ADAM22: variants seen among roughly 807,000 people sequenced by gnomAD.
ADAM22 encodes disintegrin and metalloproteinase domain-containing protein 22.
Under a neutral mutation model 144.6 loss-of-function variants are expected in ADAM22, and 65 were observed. That is an observed-to-expected ratio of 0.45 (90% confidence interval 0.37 to 0.55). The LOEUF (loss-of-function observed/expected upper bound fraction) is 0.55, where lower values mean the gene tolerates loss of function less well. Ranked by LOEUF, ADAM22 falls within the 20% of genes least tolerant of loss-of-function variation. The probability of loss-of-function intolerance (pLI) is 0.00; values close to 1 mark genes in which losing one functional copy is unlikely to be tolerated. For missense variants in ADAM22, 974 were observed against 1,184.9 expected, an observed-to-expected ratio of 0.82 and a Z score of 2.61; for synonymous variants, 391 against 412.6, an observed-to-expected ratio of 0.95 and a Z score of 0.63.
intron 2 of ADAM22, among the ~76,000 whole-genome samples, chr7:87,974,303 CAAAAA>C (rs11351127): frequency 8.9e-6 from 1 of 112,354 alleles, no homozygotes; most frequent in Admixed American, 9.1e-5. Context: ...GACTCTGTCT[CAAAAA>C]AAAAAAAAAA....
intron 2 of ADAM22, among the ~76,000 whole-genome samples, chr7:87,968,358 G>A (rs1849634457): frequency 6.6e-6 from 1 of 152,090 alleles, no homozygotes; most frequent in Non-Finnish European, 1.5e-5. Context: ...TGAGGCATAG[G>A]CACTAGTATT....
intron 3 of ADAM22, among the ~76,000 whole-genome samples, chr7:88,039,464 A>AAAAAAAAAAAATATATATATATATAT: frequency 1.3e-5 from 1 of 76,378 alleles, no homozygotes; most frequent in African/African-American, 4.7e-5. Context: ...AAAAAAAAAA[A>AAAAAAAAAAAATATATATATATATAT]ATATATATAT....
chr7:87,969,123 A>G (rs1159331388), intron 2 of ADAM22, among the ~76,000 whole-genome samples: 1 of 152,200 alleles, frequency 6.6e-6, no homozygotes, highest in Non-Finnish European at 1.5e-5. Context: ...TGGGGATGCA[A>G]ATCCTAACCA....
At chr7:87,944,821 T>G (rs1460752614) in intron 2 of ADAM22, among the ~76,000 whole-genome samples, 3 of 151,666 alleles carry the variant, frequency 2.0e-5, no homozygotes, top group Non-Finnish European at 4.4e-5. Context: ...CTTGTGTTTT[T>G]TTTTTTTTTG....
At position 88,199,388 on chromosome 7, in the gene ADAM22, G is replaced by A. The variant is rs913148742; in HGVS notation, c.*2897G>A. On this transcript the variant is annotated 3_prime_UTR_variant, in exon 32 of 32. Transcript: ENST00000413139. ...GCCTGAGAAGTTCCATTTATCCATA[G>A]TCATTGCAGTGCAGTAAACCCTGAT... 2 of 152,152 alleles carry A rather than the reference G, an allele frequency of 1.3e-5. No homozygotes were observed. Among genetic ancestry groups the A allele is most frequent in the Non-Finnish European group, 2.9e-5 (2 of 68,032 alleles). The allele number at this position is 152,152 out of a possible 1,614,324, so 9.4% of individuals were successfully genotyped here. A position where few individuals can be genotyped will look rare whatever the true frequency, so the allele number is the denominator to read the frequency against.
chr7:88,148,682 T>C (rs534317549), intron 17 of ADAM22, among the ~76,000 whole-genome samples: 6 of 152,186 alleles, frequency 3.9e-5, no homozygotes, highest in Non-Finnish European at 8.8e-5. Flanking sequence ...ATTCAAAAGC[T>C]ATTAGTACAG....
At chr7:87,953,840 T>C (rs1358213796) in intron 2 of ADAM22, among the ~76,000 whole-genome samples, 1 of 152,232 alleles carries the variant, frequency 6.6e-6, no homozygotes, top group Non-Finnish European at 1.5e-5. Context: ...TTTGGGTGCA[T>C]ATATATTTAG....
intron 3 of ADAM22, among the ~76,000 whole-genome samples, chr7:88,023,502 C>T (rs1238606628): frequency 6.6e-6 from 1 of 152,178 alleles, no homozygotes; most frequent in East Asian, 1.9e-4. Context: ...TCATTGCAAC[C>T]TCCACCTCCC....
chr7:88,030,103 A>T (rs1156934713), intron 3 of ADAM22, among the ~76,000 whole-genome samples: 2 of 152,028 alleles, frequency 1.3e-5, no homozygotes, highest in African/African-American at 2.4e-5. Flanking sequence ...AAACTCTTTA[A>T]TTTAATTTGC....
At chr7:88,049,734 A>G (rs761408254) in intron 3 of ADAM22, among the ~76,000 whole-genome samples, 8 of 152,288 alleles carry the variant, frequency 5.3e-5, no homozygotes, top group East Asian at 1.9e-4. Flanking sequence ...TTGGATAACT[A>G]TAGTTTGGGG....
At chr7:88,031,664 C>G (rs1800289909) in intron 3 of ADAM22, among the ~76,000 whole-genome samples, 1 of 152,196 alleles carries the variant, frequency 6.6e-6, no homozygotes, top group African/African-American at 2.4e-5. Flanking sequence ...GAACCTGGAA[C>G]TTATATTTAA....
intron 23 of ADAM22, among the ~76,000 whole-genome samples, chr7:88,165,504 A>G (rs1393086861): frequency 6.6e-6 from 1 of 152,130 alleles, no homozygotes; most frequent in African/African-American, 2.4e-5. Context: ...TTGACAGATG[A>G]TTATATTTCT....
chr7:88,186,812 G>T, intron 30 of ADAM22, 111 bp downstream of exon 30: 1 of 672,358 alleles, frequency 1.5e-6, no homozygotes. Flanking sequence ...TCCTATAGGT[G>T]GAAAGGGGTC....
At chr7:88,012,820 G>C (rs542858655) in intron 3 of ADAM22, among the ~76,000 whole-genome samples, 86 of 152,344 alleles carry the variant, frequency 5.6e-4, no homozygotes, top group African/African-American at 2.0e-3. Context: ...AGACTAGAAG[G>C]CTAGAGGAGT....
chr7:87,948,936 G>C (rs1844374888), intron 2 of ADAM22, among the ~76,000 whole-genome samples: 1 of 152,114 alleles, frequency 6.6e-6, no homozygotes, highest in Non-Finnish European at 1.5e-5. Flanking sequence ...GTCTACTTTT[G>C]TTTCAATTTT....
At chr7:88,175,994 A>G (rs563957221) in intron 26 of ADAM22, among the ~76,000 whole-genome samples, 2 of 152,140 alleles carry the variant, frequency 1.3e-5, no homozygotes, top group African/African-American at 4.8e-5. Context: ...TTTTTTTGAG[A>G]TGGAGTTTCG....
At position 87,942,953 on chromosome 7, in the gene ADAM22, C is replaced by T. The variant is rs12019356; in HGVS notation, c.246+7767C>T. Among the ~76,000 whole-genome samples the T allele has an allele frequency of 7.3e-3, 1,109 of 151,922 alleles. 15 individuals carry two copies. Among genetic ancestry groups the T allele is most frequent in the African/African-American group, 0.024 (993 of 41,458 alleles). The stretch of plus-strand genomic sequence containing the variant: ...GAACTAGCAGTACCAGAGTCCCAAA[C>T]GTGATATCATTCAGGTAAAAGAGAT... On this transcript the variant is annotated intron_variant, in intron 2 of 31. Transcript: ENST00000413139.
At chr7:87,956,758 T>G (rs1297602045) in intron 2 of ADAM22, among the ~76,000 whole-genome samples, 1 of 152,234 alleles carries the variant, frequency 6.6e-6, no homozygotes, top group African/African-American at 2.4e-5. Flanking sequence ...GTTTCATTCA[T>G]GTTGTAGCAT....
intron 3 of ADAM22, among the ~76,000 whole-genome samples, chr7:87,995,923 ATGTT>A (rs1218093611): frequency 1.3e-5 from 2 of 152,228 alleles, no homozygotes; most frequent in Admixed American, 6.5e-5. Flanking sequence ...CCATGACCAG[ATGTT>A]TGTTTGTTCT....
Sources: allele counts gnomAD v4.1 joint callset (sites outside exome capture counted in the v4.1 genomes callset), GRCh38; gene constraint gnomAD v4.1.1; transcripts MANE v1.5; gene names NCBI Gene and HGNC (gene_info 2026-07-23, HGNC 2026-07-21).